The following SLC22A25 variants were observed in gnomAD, a reference collection of about 807,000 sequenced individuals.
SLC22A25 encodes the protein MGI:2442751, MGI:2385316, MGI:3042283, MGI:3645714, MGI:3605624, MGI:2442750.
Under a neutral mutation model 45.9 loss-of-function variants are expected in SLC22A25, and 44 were observed. That is an observed-to-expected ratio of 0.96 (90% confidence interval 0.75 to 1.23). The LOEUF (loss-of-function observed/expected upper bound fraction) is 1.23, where lower values mean the gene tolerates loss of function less well. SLC22A25 is among the 50% of genes most tolerant of loss of function. The pLI is 0.00. For missense variants in SLC22A25, 800 were observed against 666.4 expected (o/e 1.20, Z -2.21); for synonymous variants, 283 against 238.6 (o/e 1.19, Z -1.72).
At chr11:63,216,402 A>G (rs1193642) in intron 7 of SLC22A25, among the ~76,000 whole-genome samples, 74,271 of 152,006 alleles carry the variant, frequency 0.49, 19,079 homozygotes, top group Non-Finnish European at 0.57. Context: ...AAACTCTTCT[A>G]CTATAAAGAC....
At chr11:63,239,293 T>C (rs1291664327) in intron 1 of SLC22A25, among the ~76,000 whole-genome samples, 158 bp from the exon 2 acceptor site, 1 of 152,182 alleles carries the variant, frequency 6.6e-6, no homozygotes. Flanking sequence ...CTTATTATCA[T>C]TTGGGGATTA....
chr11:63,163,299 A>T lies in SLC22A25; in HGVS notation c.*525T>A, dbSNP rs2087567329. Among the ~76,000 whole-genome samples, 1 of 152,210 alleles carries T rather than the reference A, an allele frequency of 6.6e-6. No individual in the cohort carries two copies. The highest frequency in any genetic ancestry group is 6.5e-5 in the Admixed American group (1 of 15,280). Reference sequence around the variant, plus strand: ...CATTACTTAAAAAATTCCTTTACTTATCACTTCTTTTCCCCTTTTCCAACG... The same window carrying T: ...CATTACTTAAAAAATTCCTTTACTTTTCACTTCTTTTCCCCTTTTCCAACG... On this transcript the variant is annotated 3_prime_UTR_variant, in exon 12 of 12. Coordinates refer to ENST00000306494, the MANE Select transcript of SLC22A25 (RefSeq NM_199352.6).
intron 3 of SLC22A25, among the ~76,000 whole-genome samples, chr11:63,231,180 TG>T (rs1385593182): frequency 5.9e-5 from 9 of 152,224 alleles, no homozygotes; most frequent in Non-Finnish European, 7.3e-5. Context: ...ATGGGATGGC[TG>T]GGTCAAATGG....
chr11:63,232,807 T>C (rs1944092), intron 3 of SLC22A25, among the ~76,000 whole-genome samples: 77,857 of 152,044 alleles, frequency 0.51, 20,875 homozygotes, highest in African/African-American at 0.67. Context: ...AGATTCGTCC[T>C]ATCAATACCT....
intron 5 of SLC22A25, among the ~76,000 whole-genome samples, chr11:63,224,349 GCAA>G (rs750744922): frequency 3.6e-4 from 55 of 151,884 alleles, no homozygotes; most frequent in Non-Finnish European, 7.2e-4. Flanking sequence ...TTTCTTGTAG[GCAA>G]CAGATCATTG....
At chr11:63,201,331 A>G (rs1280202589) in intron 7 of SLC22A25, among the ~76,000 whole-genome samples, 1 of 152,186 alleles carries the variant, frequency 6.6e-6, no homozygotes, top group Non-Finnish European at 1.5e-5. Context: ...GGAACAGAAC[A>G]GAGAACACAG....
intron 5 of SLC22A25, among the ~76,000 whole-genome samples, chr11:63,227,156 A>C (rs1339265561): frequency 3.9e-5 from 6 of 151,974 alleles, no homozygotes; most frequent in Non-Finnish European, 5.9e-5. Context: ...GCTGGTACCT[A>C]AGGTGCAAGA....
In SLC22A25 at chr11:63,198,411, T is replaced by G. The variant is rs2134772406; in HGVS notation, c.831-14594A>C. 2.0e-5 allele frequency among the ~76,000 whole-genome samples: 3 copies of G among 152,246 alleles called. No individual in the cohort carries two copies. The Middle Eastern group carries it at 0.01, about 518-fold the overall frequency. ...ATGCAGCCATAAGGATGACTTCATA[T>G]CCTTTGTAGGAACATAGATGAAGGT... On this transcript the variant is annotated intron_variant, in intron 7 of 11. Coordinates refer to ENST00000306494, the MANE Select transcript of SLC22A25 (RefSeq NM_199352.6).
In SLC22A25 at chr11:63,173,880, C is replaced by T. The variant is rs561074058; in HGVS notation, c.1070+6780G>A. Among the ~76,000 whole-genome samples, 565 of 149,406 alleles carry T rather than the reference C, an allele frequency of 3.8e-3. 5 individuals carry two copies. Among genetic ancestry groups the T allele is most frequent in the African/African-American group, 0.013 (542 of 40,376 alleles). On this transcript the variant is annotated intron_variant, in intron 9 of 11. Coordinates refer to ENST00000306494, the MANE Select transcript of SLC22A25 (RefSeq NM_199352.6). Reference sequence around the variant, plus strand: ...TTGGAAGAACTAGGGGCTAGCTATTCAAGGTTGGATTTTCTTTTCTTTTTT... The same window carrying T: ...TTGGAAGAACTAGGGGCTAGCTATTTAAGGTTGGATTTTCTTTTCTTTTTT...
chr11:63,236,660 T>C (rs2090169922), intron 3 of SLC22A25, among the ~76,000 whole-genome samples: 5 of 152,058 alleles, frequency 3.3e-5, no homozygotes, highest in South Asian at 4.2e-4. Flanking sequence ...CTGCACCCAC[T>C]GTCCCGCACC....
intron 7 of SLC22A25, among the ~76,000 whole-genome samples, chr11:63,205,832 C>T (rs1000232083): frequency 5.0e-5 from 7 of 141,140 alleles, no homozygotes; most frequent in Non-Finnish European, 8.3e-5. Context: ...GATACCAAAA[C>T]CCGTTGGAAA....
chr11:63,239,387 C>G (rs992445788), intron 1 of SLC22A25, among the ~76,000 whole-genome samples: 6 of 152,196 alleles, frequency 3.9e-5, no homozygotes, highest in African/African-American at 1.4e-4. Context: ...TAAAGTTCTA[C>G]TTTGTGAAAA....
At chr11:63,197,797 A>G (rs2089100646) in intron 7 of SLC22A25, among the ~76,000 whole-genome samples, 2 of 150,142 alleles carry the variant, frequency 1.3e-5, no homozygotes, top group African/African-American at 5.1e-5. Flanking sequence ...AACCTACAGA[A>G]TGGGAGAAAA....
intron 8 of SLC22A25, among the ~76,000 whole-genome samples, chr11:63,181,404 CACA>C (rs2088316674): frequency 1.5e-5 from 2 of 129,724 alleles, no homozygotes; most frequent in Non-Finnish European, 3.2e-5. Flanking sequence ...CCCCCCACCC[CACA>C]ACAGTCCTGG....
intron 9 of SLC22A25, chr11:63,166,561 G>A: frequency 1.9e-6 from 2 of 1,054,332 alleles, no homozygotes; most frequent in Non-Finnish European, 2.3e-6. Context: ...TAGCCACATG[G>A]CATCAAAAAT....
intron 7 of SLC22A25, among the ~76,000 whole-genome samples, chr11:63,200,465 T>TAA (rs150974952): frequency 6.6e-6 from 1 of 151,006 alleles, no homozygotes; most frequent in Non-Finnish European, 1.5e-5. Flanking sequence ...CCATTAATAT[T>TAA]AAAAAAAACT....
chr11:63,161,356 C>T lies in SLC22A25; in HGVS notation c.*2468G>A, dbSNP rs2087531408. Among the ~76,000 whole-genome samples, 1 of 152,110 alleles carries T rather than the reference C, an allele frequency of 6.6e-6. No homozygotes were observed. The highest frequency in any genetic ancestry group is 1.5e-5 in the Non-Finnish European group (1 of 68,018). ...TGAAATGAGTTAAAACTTTGGGGGA[C>T]TGTTGGGAAGGCATGATTAGTTTTG... On this transcript the variant is annotated 3_prime_UTR_variant, in exon 12 of 12. Coordinates refer to ENST00000306494, the MANE Select transcript of SLC22A25 (RefSeq NM_199352.6).
intron 7 of SLC22A25, among the ~76,000 whole-genome samples, chr11:63,187,061 G>A (rs1165923323): frequency 2.0e-5 from 3 of 152,062 alleles, no homozygotes; most frequent in Non-Finnish European, 2.9e-5. Flanking sequence ...CTTTAAAGTA[G>A]TTTTTTCCAA....
chr11:63,191,461 A>G lies in SLC22A25; in HGVS notation c.831-7644T>C, dbSNP rs184538210. ...CCCTCTGTCACCCCTTTCTTTGATT[A>G]GGAAAGGGAATTCCCTGATGCCTTG... On this transcript the variant is annotated intron_variant, in intron 7 of 11. Coordinates refer to ENST00000306494, the MANE Select transcript of SLC22A25 (RefSeq NM_199352.6). Among the ~76,000 whole-genome samples, 28 of 152,290 alleles carry G rather than the reference A, an allele frequency of 1.8e-4. No homozygotes were observed. In the East Asian group the frequency reaches 5.4e-3, roughly 29 times the overall value.
Sources: allele counts gnomAD v4.1 joint callset (sites outside exome capture counted in the v4.1 genomes callset), GRCh38; gene constraint gnomAD v4.1.1; transcripts MANE v1.5; gene names NCBI Gene and HGNC (gene_info 2026-07-23, HGNC 2026-07-21).